GABRB2: variants seen among roughly 807,000 people sequenced by gnomAD.
GABRB2 encodes the protein gamma-aminobutyric acid receptor subunit beta-2.
Under a neutral mutation model 54.7 loss-of-function variants are expected in GABRB2, and 16 were observed. The observed-to-expected ratio is 0.29, with a 90% CI of 0.20 to 0.44. The LOEUF (loss-of-function observed/expected upper bound fraction) is 0.44. Among genes scored for constraint, GABRB2 ranks in the 20% least tolerant of loss-of-function variants. The probability of loss-of-function intolerance (pLI) is 1.00; values close to 1 mark genes in which losing one functional copy is unlikely to be tolerated. For missense variants in GABRB2, 355 were observed against 644.0 expected, an observed-to-expected ratio of 0.55 and a Z score of 4.86; for synonymous variants, 244 against 233.8, an observed-to-expected ratio of 1.04 and a Z score of -0.40.
chr5:161,407,221 T>C lies in GABRB2; in HGVS notation c.541+3754A>G, dbSNP rs999262773. ...GGGAGGAGGGGGCATGATGAGGCCATGTAGTTGACATTGGTATTGTGTAGC... is the reference window on the plus strand; with the variant it reads ...GGGAGGAGGGGGCATGATGAGGCCACGTAGTTGACATTGGTATTGTGTAGC... On this transcript the variant is annotated intron_variant, in intron 5 of 9. Transcript: ENST00000393959. 7.9e-5 allele frequency among the ~76,000 whole-genome samples: 12 copies of C among 152,004 alleles called. No individual in the cohort carries two copies. The East Asian group carries it at 1.7e-3, about 22-fold the overall frequency.
chr5:161,531,998 A>T (rs1760478227), intron 3 of GABRB2, among the ~76,000 whole-genome samples: 1 of 152,146 alleles, frequency 6.6e-6, no homozygotes, highest in African/African-American at 2.4e-5. Context: ...TCCTTAAGTT[A>T]TGAAGCTAAT....
chr5:161,331,541 C>G (rs1160327430), intron 7 of GABRB2, among the ~76,000 whole-genome samples: 1 of 151,990 alleles, frequency 6.6e-6, no homozygotes, highest in Non-Finnish European at 1.5e-5. Flanking sequence ...ACCCAGGCAA[C>G]CCAGAACTGG....
chr5:161,295,318 AATAGATATCAT>A (rs1353842647), intron 9 of GABRB2, among the ~76,000 whole-genome samples: 2 of 152,222 alleles, frequency 1.3e-5, no homozygotes, highest in Non-Finnish European at 2.9e-5. Context: ...GCAAAGGATA[AATAGATATCAT>A]GATTCCCAAA....
intron 2 of GABRB2, 138 bp from the exon 3 acceptor site, chr5:161,545,432 T>A (rs1454539730): frequency 2.4e-6 from 1 of 422,456 alleles, no homozygotes; most frequent in Non-Finnish European, 3.9e-6. Flanking sequence ...CTCTGCTTTT[T>A]TTGTTAAAAA....
At chr5:161,349,755 C>A (rs1013443711) in intron 5 of GABRB2, among the ~76,000 whole-genome samples, 6 of 152,102 alleles carry the variant, frequency 3.9e-5, no homozygotes, top group Admixed American at 3.3e-4. Context: ...CCTTTTCCAA[C>A]AGCCTGCAGG....
intron 5 of GABRB2, among the ~76,000 whole-genome samples, chr5:161,338,262 G>GT (rs995873058): frequency 2.0e-5 from 3 of 152,072 alleles, no homozygotes; most frequent in Non-Finnish European, 4.4e-5. Context: ...CAGAACTACA[G>GT]TTTTTTGGAA....
intron 3 of GABRB2, among the ~76,000 whole-genome samples, chr5:161,513,575 A>G (rs13163593): frequency 0.016 from 2,372 of 152,126 alleles, 29 homozygotes; most frequent in East Asian, 0.024. Flanking sequence ...TGGGAGCTAA[A>G]CACTGGATAC....
intron 4 of GABRB2, among the ~76,000 whole-genome samples, chr5:161,428,193 T>G (rs2113165697): frequency 6.6e-6 from 1 of 152,102 alleles, no homozygotes; most frequent in Non-Finnish European, 1.5e-5. Context: ...AGTTGCAACT[T>G]TGAGGTTTAC....
intron 5 of GABRB2, among the ~76,000 whole-genome samples, chr5:161,353,355 G>A (rs1754526535): frequency 6.6e-6 from 1 of 151,992 alleles, no homozygotes; most frequent in Non-Finnish European, 1.5e-5. Flanking sequence ...AGTAGTAAAG[G>A]AAGGAGTACC....
At chr5:161,354,189 T>C (rs1010427784) in intron 5 of GABRB2, among the ~76,000 whole-genome samples, 2 of 152,012 alleles carry the variant, frequency 1.3e-5, no homozygotes, top group Non-Finnish European at 2.9e-5. Context: ...TGTGTAGGCC[T>C]GAGGTTGGAC....
At position 161,476,144 on chromosome 5, in the gene GABRB2, C is replaced by T. The variant is rs76241242; in HGVS notation, c.238-16300G>A. On this transcript the variant is annotated intron_variant, in intron 3 of 9. Coordinates refer to ENST00000393959, the MANE Select transcript of GABRB2 (RefSeq NM_001371727.1). ...AATCAGTTGCATTTCTATAAACTAA[C>T]GATGAGAAATACAAAAAAGGAAATT... Among the ~76,000 whole-genome samples, 355 of 151,762 alleles carry T rather than the reference C, an allele frequency of 2.3e-3. 3 individuals are homozygous for T. Among genetic ancestry groups the T allele is most frequent in the African/African-American group, 7.1e-3 (295 of 41,426 alleles).
chr5:161,494,612 T>C (rs2006883577), intron 3 of GABRB2, among the ~76,000 whole-genome samples: 1 of 150,228 alleles, frequency 6.7e-6, no homozygotes, highest in Non-Finnish European at 1.5e-5. Context: ...TCCAGAATCT[T>C]CCAAAGTATA....
chr5:161,366,897 G>A (rs972784853), intron 5 of GABRB2, among the ~76,000 whole-genome samples: 5 of 152,070 alleles, frequency 3.3e-5, no homozygotes, highest in Admixed American at 6.6e-5. Flanking sequence ...GCAGTAATCC[G>A]AGATCGCACC....
chr5:161,389,737 G>A (rs1352365309), intron 5 of GABRB2, among the ~76,000 whole-genome samples: 3 of 151,916 alleles, frequency 2.0e-5, no homozygotes, highest in Non-Finnish European at 4.4e-5. Flanking sequence ...TATAATATCA[G>A]TATCTTTAAT....
intron 2 of GABRB2, among the ~76,000 whole-genome samples, chr5:161,545,738 G>C (rs1372163974): frequency 6.6e-6 from 1 of 151,814 alleles, no homozygotes; most frequent in East Asian, 1.9e-4. Flanking sequence ...AGCATATCTA[G>C]GGCTGCAGCC....
At chr5:161,385,015 C>A (rs1459446705) in intron 5 of GABRB2, among the ~76,000 whole-genome samples, 1 of 152,068 alleles carries the variant, frequency 6.6e-6, no homozygotes, top group Admixed American at 6.6e-5. Context: ...TATGCTTTTC[C>A]AAGACCACAG....
At chr5:161,464,235 TATA>T (rs1758211529) in intron 3 of GABRB2, among the ~76,000 whole-genome samples, 1 of 152,020 alleles carries the variant, frequency 6.6e-6, no homozygotes, top group Admixed American at 6.6e-5. Context: ...AATATAAGCA[TATA>T]ATAATTCTCA....
rs539357667 is a variant in GABRB2, at chr5:161,376,826, T to C, written c.541+34149A>G. Among the ~76,000 whole-genome samples, 18 of 152,208 alleles carry C rather than the reference T, an allele frequency of 1.2e-4. No homozygotes were observed. The South Asian group carries it at 3.7e-3, about 32-fold the overall frequency. On this transcript the variant is annotated intron_variant, in intron 5 of 9. Coordinates refer to ENST00000393959, the MANE Select transcript of GABRB2 (RefSeq NM_001371727.1). Reference sequence around the variant, plus strand: ...CTGCAGGTGCAAGGCAAATGGGCCATGTGATAGAAGTAGGGAGAAAATAAA... The same window carrying C: ...CTGCAGGTGCAAGGCAAATGGGCCACGTGATAGAAGTAGGGAGAAAATAAA...
rs1756275015 is a variant in GABRB2, at chr5:161,403,858, T to C, written c.541+7117A>G. Among the ~76,000 whole-genome samples, 7 of 152,290 alleles carry C rather than the reference T, an allele frequency of 4.6e-5. No homozygotes were observed. The South Asian group carries it at 1.4e-3, about 32-fold the overall frequency. ...TCAGTTCAGATCCATGGCAGATTTATGCAGGAGACCAACAATCTATTTAGT... is the reference window on the plus strand; with the variant it reads ...TCAGTTCAGATCCATGGCAGATTTACGCAGGAGACCAACAATCTATTTAGT... On this transcript the variant is annotated intron_variant, in intron 5 of 9. Coordinates refer to ENST00000393959, the MANE Select transcript of GABRB2 (RefSeq NM_001371727.1).
Sources: allele counts gnomAD v4.1 joint callset (sites outside exome capture counted in the v4.1 genomes callset), GRCh38; gene constraint gnomAD v4.1.1; transcripts MANE v1.5; gene names NCBI Gene and HGNC (gene_info 2026-07-23, HGNC 2026-07-21).